Variants in ATP6V1D observed in about 807,000 individuals in gnomAD.
The protein encoded by ATP6V1D is V-type proton ATPase subunit D.
In ATP6V1D, 20 loss-of-function variants were observed where a neutral mutation model predicts 39.4. The observed-to-expected ratio is 0.51, with a 90% CI of 0.36 to 0.74. ATP6V1D has a LOEUF of 0.74. Among genes scored for constraint, ATP6V1D ranks in the 30% least tolerant of loss-of-function variants. The probability of loss-of-function intolerance (pLI) is 0.00; values close to 1 mark genes in which losing one functional copy is unlikely to be tolerated. For missense variants in ATP6V1D, 228 were observed against 291.6 expected (o/e 0.78, Z 1.59); for synonymous variants, 100 against 100.5 (o/e 0.99, Z 0.03).
At chr14:67,344,142 A>T (rs1334226789) in intron 6 of ATP6V1D, among the ~76,000 whole-genome samples, 1 of 152,236 alleles carries the variant, frequency 6.6e-6, no homozygotes, top group Non-Finnish European at 1.5e-5. Context: ...TTGCATGTAG[A>T]ACATTTTAGC....
At chr14:67,340,722 G>C (rs543065261) in intron 7 of ATP6V1D, among the ~76,000 whole-genome samples, 119 of 151,950 alleles carry the variant, frequency 7.8e-4, no homozygotes, top group Non-Finnish European at 6.8e-4. Flanking sequence ...CTCTGATGCC[G>C]AGCCGAAGCT....
intron 7 of ATP6V1D, among the ~76,000 whole-genome samples, chr14:67,341,377 G>T (rs553124601): frequency 6.6e-6 from 1 of 152,176 alleles, no homozygotes; most frequent in African/African-American, 2.4e-5. Context: ...CATCTGAGAA[G>T]TGAGGAGCCC....
Position 67,351,911 on chromosome 14 carries a change from C to CAAAAAAAAA in ATP6V1D, c.159+1003_159+1011dup, listed in dbSNP as rs758907410. On this transcript the variant is annotated intron_variant, in intron 2 of 8. Transcript: ENST00000216442. Reference sequence around the variant, plus strand: ...GGCAGAATACACATAGAACCTCTACCAAAAAAAAAAAGAAGACATTTACCA... The same window carrying CAAAAAAAAA: ...GGCAGAATACACATAGAACCTCTACCAAAAAAAAAAAAAAAAAAAAGAAGACATTTACCA... Among the ~76,000 whole-genome samples the CAAAAAAAAA allele has an allele frequency of 3.9e-5, 5 of 128,102 alleles. No individual in the cohort carries two copies. The East Asian group carries it at 1.3e-3, about 34-fold the overall frequency. The allele number at this position is 128,102 out of a possible 152,430, so 84.0% of individuals were successfully genotyped here. A position where few individuals can be genotyped will look rare whatever the true frequency, so the allele number is the denominator to read the frequency against.
Position 67,338,073 on chromosome 14 carries a change from ACT to A in ATP6V1D, c.*546_*547del, listed in dbSNP as rs2085553720. On this transcript the variant is annotated 3_prime_UTR_variant, in exon 9 of 9. Transcript: ENST00000216442. ...TAAATTAATAAAAACGGAATGACTT[ACT>A]TTTAAATCATTTTACTGTTTATACC... The A allele has an allele frequency of 6.6e-6, 1 of 152,314 alleles. No homozygotes were observed. Among genetic ancestry groups the A allele is most frequent in the Admixed American group, 6.5e-5 (1 of 15,284 alleles). The allele number at this position is 152,314 out of a possible 1,614,324, so 9.4% of individuals were successfully genotyped here. A position where few individuals can be genotyped will look rare whatever the true frequency, so the allele number is the denominator to read the frequency against.
chr14:67,345,587 G>C (rs10138755), intron 6 of ATP6V1D, among the ~76,000 whole-genome samples, 181 bp downstream of exon 6: 1 of 152,018 alleles, frequency 6.6e-6, no homozygotes, highest in Non-Finnish European at 1.5e-5. Flanking sequence ...ATTTTAAAAA[G>C]TAGGGACAAT....
At chr14:67,339,476 C>A (rs1261139617) in intron 8 of ATP6V1D, among the ~76,000 whole-genome samples, 7 of 152,154 alleles carry the variant, frequency 4.6e-5, no homozygotes, top group South Asian at 4.2e-4. Flanking sequence ...AGGTCTAAGA[C>A]CCCCCATGCC....
chr14:67,340,075 C>A, intron 8 of ATP6V1D: 1 of 165,840 alleles, frequency 6.0e-6, no homozygotes, highest in Admixed American at 6.1e-5. Flanking sequence ...CTTGGCTTGT[C>A]CAAAGGTAAT....
intron 8 of ATP6V1D, 56 bp downstream of exon 8, chr14:67,340,384 C>G: frequency 6.9e-7 from 1 of 1,454,056 alleles, no homozygotes; most frequent in Non-Finnish European, 9.6e-7. Context: ...TCAGCAAATA[C>G]AGCCTTTGGA....
chr14:67,359,246 G>A (rs1032127802), intron 1 of ATP6V1D, among the ~76,000 whole-genome samples: 1 of 152,308 alleles, frequency 6.6e-6, no homozygotes, highest in East Asian at 1.9e-4. Flanking sequence ...CCTTCTCAGA[G>A]CATTTATTAA....
At chr14:67,352,595 C>A (rs747402841) in intron 2 of ATP6V1D, 1 of 190,978 alleles carries the variant, frequency 5.2e-6, no homozygotes, top group East Asian at 1.4e-4. Context: ...GCTAAAGGAG[C>A]CAGTTATAAG....
At chr14:67,352,682 A>C (rs2085663265) in intron 2 of ATP6V1D, 1 of 370,580 alleles carries the variant, frequency 2.7e-6, no homozygotes, top group Admixed American at 4.4e-5. Flanking sequence ...GAATGCTCTA[A>C]ATAAGGTAAG....
intron 5 of ATP6V1D, among the ~76,000 whole-genome samples, chr14:67,346,383 C>T (rs1367984442): frequency 6.6e-6 from 1 of 152,268 alleles, no homozygotes; most frequent in Non-Finnish European, 1.5e-5. Flanking sequence ...GCGATCTCAG[C>T]TCACTGTAAG....
chr14:67,340,569 C>G (rs751635819), intron 7 of ATP6V1D, 51 bp from the exon 8 acceptor site: 5 of 1,458,124 alleles, frequency 3.4e-6, no homozygotes, highest in Non-Finnish European at 4.8e-6. Flanking sequence ...CCCCTTTTTT[C>G]AAATTATCAG....
At chr14:67,358,995 C>T (rs143927735) in intron 1 of ATP6V1D, among the ~76,000 whole-genome samples, 135 of 152,288 alleles carry the variant, frequency 8.9e-4, no homozygotes, top group African/African-American at 3.1e-3. Context: ...GACACATAAA[C>T]AAATATCTAC....
chr14:67,349,613 T>C (rs910933310), intron 3 of ATP6V1D, among the ~76,000 whole-genome samples: 24 of 152,152 alleles, frequency 1.6e-4, no homozygotes, highest in African/African-American at 4.6e-4. Context: ...GGCAGGAGGA[T>C]TGTTTGAGGC....
At position 67,348,666 on chromosome 14, in the gene ATP6V1D, C is replaced by T. The variant is rs188937411; in HGVS notation, c.307+371G>A. On this transcript the variant is annotated intron_variant, in intron 4 of 8. Coordinates refer to ENST00000216442, the MANE Select transcript of ATP6V1D (RefSeq NM_015994.4). ...CCTCCCAAGTAGCTGGGGCTACAGG[C>T]GCGTGCCACCAAACCTGGCTAATTT... Among the ~76,000 whole-genome samples, 139 of 151,182 alleles carry T rather than the reference C, an allele frequency of 9.2e-4. No individual in the cohort carries two copies. In the Middle Eastern group the frequency reaches 0.01, roughly 11 times the overall value.
At position 67,353,033 on chromosome 14, in the gene ATP6V1D, T is replaced by A. The variant is rs1195889684; in HGVS notation, c.49A>T (p.Thr17Ser). ...CCCTTTAAACGAGCCTTCATGATGG[T>A]CTGTGCCCTATATAAACATAAACAA... ...IEIFPSRMAQ[T>S]IMKARLKGAQ... The change falls in exon 2 of 9, where the codon ACC becomes TCC. Residue 17 changes from threonine to serine, a missense_variant. By Grantham distance (58) the Thr-to-Ser change is moderately conservative. This residue lies in a region of ATP6V1D where 104 missense variants were observed against 120.2 expected (regional missense o/e 0.87). Transcript: ENST00000216442. 6.2e-7 allele frequency: 1 copy of A among 1,607,582 alleles called. No individual in the cohort carries two copies. Among genetic ancestry groups the A allele is most frequent in the Non-Finnish European group, 8.5e-7 (1 of 1,177,796 alleles).
chr14:67,340,661 C>G, intron 7 of ATP6V1D, 143 bp from the exon 8 acceptor site: 3 of 693,402 alleles, frequency 4.3e-6, no homozygotes, highest in South Asian at 3.7e-5. Flanking sequence ...AATAAAAACA[C>G]AAAGAAGCTC....
intron 1 of ATP6V1D, among the ~76,000 whole-genome samples, chr14:67,356,786 T>C (rs1050256498): frequency 6.6e-6 from 1 of 152,142 alleles, no homozygotes; most frequent in Non-Finnish European, 1.5e-5. Context: ...TCACAAGAGG[T>C]CTTATCAAGT....
Sources: allele counts gnomAD v4.1 joint callset (sites outside exome capture counted in the v4.1 genomes callset), GRCh38; gene constraint gnomAD v4.1.1; regional missense constraint gnomAD v4.1.1; transcripts MANE v1.5; gene names NCBI Gene and HGNC (gene_info 2026-07-23, HGNC 2026-07-21).